Variants in ZBED6 observed in about 807,000 individuals in gnomAD.
ZBED6 encodes the protein zinc finger BED domain-containing protein 6.
In ZBED6, 40 loss-of-function variants were observed where a neutral mutation model predicts 58.4. The ratio of observed to expected loss-of-function variants is 0.68; its 90% CI spans 0.53 to 0.89. ZBED6 has a LOEUF of 0.89. Among genes scored for constraint, ZBED6 ranks in the 40% least tolerant of loss-of-function variants. ZBED6 has a pLI of 0.00. For missense variants in ZBED6, 1,057 were observed against 1,003.9 expected, an observed-to-expected ratio of 1.05 and a Z score of -0.71; for synonymous variants, 439 against 350.6, an observed-to-expected ratio of 1.25 and a Z score of -2.82.
intron 1 of ZBED6, chr1:203,806,045 C>A: frequency 3.8e-6 from 2 of 528,828 alleles, no homozygotes; most frequent in South Asian, 1.6e-5. Flanking sequence ...TGCTGCTGCT[C>A]ATACATCCGC....
In ZBED6 at chr1:203,798,616, ACT is replaced by A. The variant is rs1368158677; in HGVS notation, c.1097_1098del (p.Ser366Ter). On this transcript the variant is annotated frameshift_variant, in exon 1 of 17. Coordinates refer to ENST00000550078, the Ensembl canonical transcript of ZBED6. LOFTEE classifies it high-confidence loss of function. ...GATTTAACAGCTGAGGACCTTAGTG[ACT>A]CTGATTCAGATGAACCTATGTTAGA... The A allele has an allele frequency of 6.5e-6, 10 of 1,535,974 alleles. No homozygotes were observed. Among genetic ancestry groups the A allele is most frequent in the East Asian group, 2.4e-5 (1 of 40,928 alleles).
chr1:203,802,714 C>CTTTTTTTTTTT (rs150416242), exon 1 of ZBED6: 5 of 131,658 alleles, frequency 3.8e-5, no homozygotes, highest in Non-Finnish European at 4.9e-5. Flanking sequence ...TAAATGAACT[C>CTTTTTTTTTTT]TTTTTTTTTG....
chr1:203,819,089 T>TAC (rs200302232), intron 3 of ZBED6, among the ~76,000 whole-genome samples: 32,604 of 140,390 alleles, frequency 0.23, 4,027 homozygotes, highest in Non-Finnish European at 0.29. Flanking sequence ...TATATATATA[T>TAC]ACACACACAC....
chr1:203,823,670 T>C (rs1679521202), intron 3 of ZBED6, among the ~76,000 whole-genome samples: 1 of 152,246 alleles, frequency 6.6e-6, no homozygotes, highest in African/African-American at 2.4e-5. Flanking sequence ...CTAACTCTTT[T>C]CTGCACTGAG....
exon 8 of ZBED6, chr1:203,831,744 A>G: frequency 3.7e-6 from 6 of 1,612,674 alleles, no homozygotes; most frequent in Non-Finnish European, 5.1e-6. Flanking sequence ...GACTGTGGTG[A>G]GGACAGTAAC....
chr1:203,821,881 C>G (rs918423881), intron 3 of ZBED6, among the ~76,000 whole-genome samples: 1 of 151,968 alleles, frequency 6.6e-6, no homozygotes, highest in South Asian at 2.1e-4. Flanking sequence ...TTTCAGTCTC[C>G]CGAGTAGCTG....
chr1:203,829,482 A>G lies in ZBED6; in HGVS notation c.*3029A>G, dbSNP rs564777771. 17 of 1,613,988 alleles carry G rather than the reference A, an allele frequency of 1.1e-5. No individual in the cohort carries two copies. In the South Asian group the frequency reaches 1.8e-4, roughly 17 times the overall value. Reference sequence around the variant, plus strand: ...TGCCCACTGTGCCTGAGTCACCAGAAGAGGAAGTGAAGGCTAGCCAACTTT... The same window carrying G: ...TGCCCACTGTGCCTGAGTCACCAGAGGAGGAAGTGAAGGCTAGCCAACTTT... On this transcript the variant is annotated 3_prime_UTR_variant, in exon 5 of 17. Transcript: ENST00000550078.
exon 1 of ZBED6, chr1:203,799,638 A>G (rs987611643): frequency 1.4e-6 from 1 of 703,456 alleles, no homozygotes; most frequent in East Asian, 2.7e-5. Flanking sequence ...GAGCGTGAAG[A>G]CCGCAGGATT....
intron 10 of ZBED6, 99 bp from the exon 11 acceptor site, chr1:203,840,207 G>A (rs1373997000): frequency 1.7e-6 from 2 of 1,180,050 alleles, no homozygotes; most frequent in Middle Eastern, 2.5e-4. Flanking sequence ...CCAAAGTTCT[G>A]GGATTACAGG....
At chr1:203,811,722 C>G (rs748649741) in intron 1 of ZBED6, among the ~76,000 whole-genome samples, 7 of 152,080 alleles carry the variant, frequency 4.6e-5, no homozygotes, top group Non-Finnish European at 8.8e-5. Context: ...GTTGGCCAGG[C>G]TGGTCTTGAA....
rs536675707 is a variant in ZBED6, at chr1:203,812,822, C to G, written c.*2555-4104C>G. 2.9e-4 allele frequency among the ~76,000 whole-genome samples: 44 copies of G among 152,002 alleles called. No homozygotes were observed. In the East Asian group the frequency reaches 6.4e-3, roughly 22 times the overall value. On this transcript the variant is annotated intron_variant, in intron 1 of 16. Transcript: ENST00000550078. ...GTCTTGAACTCCTGACCTCAGATGA[C>G]CCACCTGCCTCGGCCTCCCAAAGTG...
At chr1:203,828,003 A>G (rs1290809439) in intron 3 of ZBED6, among the ~76,000 whole-genome samples, 2 of 152,020 alleles carry the variant, frequency 1.3e-5, no homozygotes, top group African/African-American at 2.4e-5. Context: ...CTTTGATTTC[A>G]TAAACTTAAA....
In ZBED6 at chr1:203,828,282, G is replaced by T. The variant is rs1446283954; in HGVS notation, c.*2874-17G>T. The T allele has an allele frequency of 6.2e-7, 1 of 1,613,684 alleles. No homozygotes were observed. The highest frequency in any genetic ancestry group is 1.3e-5 in the African/African-American group (1 of 74,906). On this transcript the variant is annotated splice_polypyrimidine_tract_variant and intron_variant, in intron 3 of 16. Coordinates refer to ENST00000550078, the Ensembl canonical transcript of ZBED6. ...TCACTGTTTTATTTGAAAGCAATGT[G>T]TTTTTCCCTCTTACAGAAAAAACGC...
At chr1:203,822,575 C>G (rs1052776890) in intron 3 of ZBED6, among the ~76,000 whole-genome samples, 5 of 152,118 alleles carry the variant, frequency 3.3e-5, no homozygotes, top group African/African-American at 1.2e-4. Flanking sequence ...AATACCCTGC[C>G]TTCCTAACCC....
intron 5 of ZBED6, 21 bp from the exon 6 acceptor site, chr1:203,829,759 G>A (rs1681657938): frequency 6.2e-7 from 1 of 1,612,974 alleles, no homozygotes. Context: ...TTGTGAATTT[G>A]CCTTAAATGT....
chr1:203,837,770 A>C (rs560342454), intron 9 of ZBED6, among the ~76,000 whole-genome samples, 196 bp from the exon 10 acceptor site: 2 of 152,252 alleles, frequency 1.3e-5, no homozygotes, highest in East Asian at 3.9e-4. Context: ...GAGCCACTGC[A>C]CCTTGCCTTC....
intron 1 of ZBED6, among the ~76,000 whole-genome samples, chr1:203,808,057 C>T (rs1294318689): frequency 1.1e-4 from 17 of 151,726 alleles, no homozygotes; most frequent in Admixed American, 1.1e-3. Context: ...TGTTTTTTTT[C>T]TACTTTTATT....
At chr1:203,832,730 G>A (rs1682804518) in intron 8 of ZBED6, among the ~76,000 whole-genome samples, 1 of 151,744 alleles carries the variant, frequency 6.6e-6, no homozygotes, top group Non-Finnish European at 1.5e-5. Context: ...ATATTTAAAT[G>A]TTTGTGCAAT....
chr1:203,850,085 A>G (rs986362293), intron 14 of ZBED6, 59 bp downstream of exon 14: 73 of 1,522,522 alleles, frequency 4.8e-5, no homozygotes, highest in Non-Finnish European at 5.8e-5. Flanking sequence ...ATTCAACCCA[A>G]TTGTTGCCAG....
Sources: allele counts gnomAD v4.1 joint callset (sites outside exome capture counted in the v4.1 genomes callset), GRCh38; gene constraint gnomAD v4.1.1; transcripts MANE v1.5; gene names NCBI Gene and HGNC (gene_info 2026-07-23, HGNC 2026-07-21).